The following KNTC1 variants were observed in gnomAD, a reference collection of about 807,000 sequenced individuals.
KNTC1 encodes the protein kinetochore-associated protein 1.
In KNTC1, 253 loss-of-function variants were observed where a neutral mutation model predicts 314.4. The ratio of observed to expected loss-of-function variants is 0.80; its 90% CI spans 0.73 to 0.89. The LOEUF (loss-of-function observed/expected upper bound fraction) is 0.89, where lower values mean the gene tolerates loss of function less well. KNTC1 is among the 40% of genes least tolerant of loss of function. The pLI is 0.00. For missense variants in KNTC1, 2,475 were observed against 2,572.9 expected (o/e 0.96, Z 0.82); for synonymous variants, 901 against 901.4 (o/e 1.00, Z 0.01).
intron 20 of KNTC1, among the ~76,000 whole-genome samples, chr12:122,566,569 C>T (rs1411400139): frequency 6.6e-6 from 1 of 151,728 alleles, no homozygotes; most frequent in East Asian, 1.9e-4. Flanking sequence ...AACACTACGT[C>T]TGGCTAATTT....
chr12:122,537,787 A>G (rs1356269691), intron 3 of KNTC1, among the ~76,000 whole-genome samples: 1 of 152,134 alleles, frequency 6.6e-6, no homozygotes, highest in Admixed American at 6.6e-5. Flanking sequence ...CTGTTCTCAG[A>G]TATATGTAAA....
At chr12:122,624,841 CTA>C in intron 63 of KNTC1, 153 bp downstream of exon 63, 1 of 662,342 alleles carries the variant, frequency 1.5e-6, no homozygotes, top group South Asian at 1.4e-5. Context: ...TTAGAGAGTT[CTA>C]AACTAGAAAT....
intron 57 of KNTC1, chr12:122,617,603 G>A (rs1048075133): frequency 1.6e-5 from 3 of 191,630 alleles, no homozygotes; most frequent in African/African-American, 4.7e-5. Flanking sequence ...GCACATAACC[G>A]GCTAAGGATT....
chr12:122,573,368 G>A, intron 26 of KNTC1, 83 bp downstream of exon 26: 1 of 1,244,662 alleles, frequency 8.0e-7, no homozygotes, highest in South Asian at 1.4e-5. Context: ...TTTAAGGAAT[G>A]TCATATGCTT....
In KNTC1 at chr12:122,573,197, T is replaced by G. The variant is rs1291057638; in HGVS notation, c.2195T>G (p.Leu732Arg). ...TTTGATAAAGTGCTGGCCCCAGAGC[T>G]TATTCCCTCCATCTTAGAGAAGTTT... ...RMFDKVLAPE[L>R]IPSILEKFIR... The change falls in exon 26 of 64, where the codon CTT becomes CGT. Residue 732 changes from leucine (L) to arginine (R), a missense_variant. Physicochemically the swap from Leu to Arg is moderately radical, Grantham distance 102. Coordinates refer to ENST00000333479, the MANE Select transcript of KNTC1 (RefSeq NM_014708.6). 1.2e-6 allele frequency: 2 copies of G among 1,613,934 alleles called. No individual in the cohort carries two copies. The highest frequency in any genetic ancestry group is 2.2e-5 in the South Asian group (2 of 91,078).
In KNTC1 at chr12:122,603,146, T is replaced by C. The variant is rs767047268; in HGVS notation, c.5004T>C (p.Thr1668=). ...KSSTLINKEI[T]KITQTIESCL... ...CAACACTGATTAACAAGGAAATAACTAAGATCACGCAGACCATCGAATCCT... is the reference window on the plus strand; with the variant it reads ...CAACACTGATTAACAAGGAAATAACCAAGATCACGCAGACCATCGAATCCT... The change falls in exon 48 of 64, where the codon ACT becomes ACC. Residue 1668 remains threonine, a synonymous_variant. Transcript: ENST00000333479. 9 of 1,613,566 alleles carry C rather than the reference T, an allele frequency of 5.6e-6. No individual in the cohort carries two copies. The Admixed American group carries it at 1.2e-4, about 21-fold the overall frequency.
chr12:122,609,422 C>T lies in KNTC1; in HGVS notation c.5535C>T (p.Ala1845=). Reference sequence around the variant, plus strand: ...TATTTGAACTTCAAGAAGATGAAGCCCTACGAAGGTACTCTTTTCCTTTAC... The same window carrying T: ...TATTTGAACTTCAAGAAGATGAAGCTCTACGAAGGTACTCTTTTCCTTTAC... ...SELFELQEDE[A]LRRVQYLLLS... The change falls in exon 52 of 64, where the codon GCC becomes GCT. Residue 1845 remains alanine (A), a synonymous_variant. Transcript: ENST00000333479. The T allele has an allele frequency of 6.3e-7, 1 of 1,577,182 alleles. No homozygotes were observed. The highest frequency in any genetic ancestry group is 2.3e-5 in the East Asian group (1 of 44,422).
chr12:122,618,303 C>G (rs140168973), intron 57 of KNTC1, 40 bp from the exon 58 acceptor site: 9 of 1,585,418 alleles, frequency 5.7e-6, no homozygotes, highest in African/African-American at 2.7e-5. Flanking sequence ...TTTGTAATAT[C>G]CTTAACATGA....
chr12:122,559,191 CA>C (rs34657151), intron 18 of KNTC1, among the ~76,000 whole-genome samples: 47,167 of 151,570 alleles, frequency 0.31, 8,755 homozygotes, highest in Admixed American at 0.4. Flanking sequence ...TACTAAAATA[CA>C]AAAAATACAA....
chr12:122,602,942 C>G, intron 47 of KNTC1, 55 bp downstream of exon 47: 1 of 1,544,628 alleles, frequency 6.5e-7, no homozygotes, highest in Non-Finnish European at 8.9e-7. Flanking sequence ...AATTCTGACC[C>G]CGTATAGAAG....
chr12:122,622,341 C>T, intron 61 of KNTC1, 121 bp from the exon 62 acceptor site: 1 of 929,592 alleles, frequency 1.1e-6, no homozygotes, highest in Non-Finnish European at 1.6e-6. Context: ...GCTAATTGGG[C>T]TTCCGATTGT....
chr12:122,624,103 T>C (rs1356450388), intron 62 of KNTC1, among the ~76,000 whole-genome samples: 1 of 152,046 alleles, frequency 6.6e-6, no homozygotes, highest in Non-Finnish European at 1.5e-5. Context: ...GTGTAACATG[T>C]CTCTTTTTCA....
chr12:122,534,809 T>C, intron 3 of KNTC1, 25 bp downstream of exon 3: 2 of 1,601,434 alleles, frequency 1.2e-6, no homozygotes, highest in Non-Finnish European at 8.5e-7. Flanking sequence ...GTGAATGAAG[T>C]AAGATAAATT....
intron 63 of KNTC1, among the ~76,000 whole-genome samples, chr12:122,625,800 G>T (rs1044202145): frequency 2.0e-5 from 3 of 152,008 alleles, no homozygotes; most frequent in African/African-American, 7.3e-5. Context: ...TTTTTACTTT[G>T]ATCATATTTT....
rs1260822504 is a variant in KNTC1 at position 122,532,211 on chromosome 12, T to C, written c.129+2019T>C. Among the ~76,000 whole-genome samples the C allele has an allele frequency of 2.2e-4, 32 of 145,312 alleles. No individual in the cohort carries two copies. In the South Asian group the frequency reaches 2.5e-3, roughly 11 times the overall value. Reference sequence around the variant, plus strand: ...ACCACGCCTGGCTAATTTTTCTTTTTTTTTTTTTTTTTTTTTGAGACGAAC... The same window carrying C: ...ACCACGCCTGGCTAATTTTTCTTTTCTTTTTTTTTTTTTTTTGAGACGAAC... On this transcript the variant is annotated intron_variant, in intron 2 of 63. Transcript: ENST00000333479.
chr12:122,536,469 G>A (rs113989486), intron 3 of KNTC1, among the ~76,000 whole-genome samples: 11,028 of 149,240 alleles, frequency 0.074, 553 homozygotes, highest in Middle Eastern at 0.14. Flanking sequence ...TGATCTGCCC[G>A]CCTCGGCCTC....
rs201981485 is a variant in KNTC1, at chr12:122,582,756, G to T, written c.3034G>T (p.Val1012Leu). The T allele has an allele frequency of 3.4e-4, 547 of 1,612,262 alleles. No homozygotes were observed. The highest frequency in any genetic ancestry group is 4.4e-4 in the Non-Finnish European group (522 of 1,179,574). ...TGAAGATTATAGCAATAGTTCCCTGGTAGCAGATCTCCGTGAGCAGCACAT... is the reference window on the plus strand; with the variant it reads ...TGAAGATTATAGCAATAGTTCCCTGTTAGCAGATCTCCGTGAGCAGCACAT... ...SFEDYSNSSL[V>L]ADLREQHIKA... is the part of the protein sequence containing the mutation. The change falls in exon 34 of 64, where the codon GTA becomes TTA. Residue 1012 changes from valine to leucine, a missense_variant. Val to Leu is a conservative substitution (Grantham distance 32, BLOSUM62 1). Transcript: ENST00000333479.
chr12:122,605,150 G>A, intron 50 of KNTC1, 63 bp downstream of exon 50: 1 of 1,396,184 alleles, frequency 7.2e-7, no homozygotes, highest in Non-Finnish European at 9.9e-7. Flanking sequence ...TCAGTTTTAT[G>A]TATATATGTA....
intron 18 of KNTC1, among the ~76,000 whole-genome samples, chr12:122,560,642 G>A (rs1963909636): frequency 6.6e-6 from 1 of 152,182 alleles, no homozygotes; most frequent in Non-Finnish European, 1.5e-5. Flanking sequence ...AAAATGCTGG[G>A]ATTACAGGCG....
Sources: allele counts gnomAD v4.1 joint callset (sites outside exome capture counted in the v4.1 genomes callset), GRCh38; gene constraint gnomAD v4.1.1; transcripts MANE v1.5; gene names NCBI Gene and HGNC (gene_info 2026-07-23, HGNC 2026-07-21).